PNPLA1: variants seen among roughly 807,000 people sequenced by gnomAD.
The protein encoded by PNPLA1 is patatin like domain 1, omega-hydroxyceramide transacylase, also known as omega-hydroxyceramide transacylase.
PNPLA1 carries 36 observed loss-of-function variants against 51.7 expected under a neutral mutation model. That is an observed-to-expected ratio of 0.70 (90% CI 0.53 to 0.92). The LOEUF (loss-of-function observed/expected upper bound fraction) is 0.92. Ranked by LOEUF, PNPLA1 falls within the 40% of genes least tolerant of loss-of-function variation. PNPLA1 has a pLI of 0.00. For missense variants in PNPLA1, 658 were observed against 682.5 expected, an observed-to-expected ratio of 0.96 and a Z score of 0.40; for synonymous variants, 293 against 280.1, an observed-to-expected ratio of 1.05 and a Z score of -0.46.
intron 1 of PNPLA1, among the ~76,000 whole-genome samples, chr6:36,283,519 G>C (rs1303860400): frequency 6.6e-6 from 1 of 152,142 alleles, no homozygotes; most frequent in African/African-American, 2.4e-5. Context: ...CTCCTCAGCT[G>C]GGCATGGTGG....
chr6:36,270,393 C>T lies in PNPLA1; in HGVS notation c.-67C>T. On this transcript the variant is annotated 5_prime_UTR_variant, in exon 1 of 9. Transcript: ENST00000636260. ...AGGGAGTTCCTACAGGGAGCGGCAG[C>T]CCAGGCTCGGGCAGGCAAGTGCTGA... 6.6e-7 allele frequency: 1 copy of T among 1,509,552 alleles called. No individual in the cohort carries two copies. The highest frequency in any genetic ancestry group is 2.5e-5 in the East Asian group (1 of 40,674). The allele number at this position is 1,509,552 out of a possible 1,614,324, so 93.5% of individuals were successfully genotyped here.
intron 3 of PNPLA1, among the ~76,000 whole-genome samples, chr6:36,293,599 G>T (rs111721128): frequency 6.6e-6 from 1 of 152,204 alleles, no homozygotes; most frequent in African/African-American, 2.4e-5. Context: ...CCAGCCTCAG[G>T]TGCTGCCCGT....
In PNPLA1 at chr6:36,296,182, C is replaced by T. The variant is rs148317468; in HGVS notation, c.775+758C>T. Among the ~76,000 whole-genome samples the T allele has an allele frequency of 2.4e-3, 368 of 152,230 alleles. 1 individual carries two copies. Among genetic ancestry groups the T allele is most frequent in the African/African-American group, 8.0e-3 (334 of 41,550 alleles). ...ACAATTAGCTGAGCATGGTGGCACA[C>T]GCTTATAGCCCCAGCTACTTGAGAT... On this transcript the variant is annotated intron_variant, in intron 5 of 8. Transcript: ENST00000636260.
rs369840888 is a variant in PNPLA1 at position 36,293,087 on chromosome 6, G to A, written c.465G>A (p.Pro155=). 28 of 1,614,026 alleles carry A rather than the reference G, an allele frequency of 1.7e-5. No homozygotes were observed. In the South Asian group the frequency reaches 1.9e-4, roughly 11 times the overall value. ...CCCTATACTGCAGCTGCTTCGTCCCGGTGTACTGTGGCCTCATCCCCCCGA... is the reference window on the plus strand; with the variant it reads ...CCCTATACTGCAGCTGCTTCGTCCCAGTGTACTGTGGCCTCATCCCCCCGA... ...IEALYCSCFV[P]VYCGLIPPTY... Residue 155 remains proline (P), a synonymous_variant, in exon 3 of 9, where the codon CCG becomes CCA. Transcript: ENST00000636260.
At chr6:36,300,159 TC>T (rs1275180427) in intron 5 of PNPLA1, among the ~76,000 whole-genome samples, 13 of 80,476 alleles carry the variant, frequency 1.6e-4, no homozygotes, top group African/African-American at 4.4e-4. Context: ...CTTTTCTTAT[TC>T]TTGTGTGTGT....
At chr6:36,281,557 G>T (rs994780009) in intron 1 of PNPLA1, among the ~76,000 whole-genome samples, 11 of 152,180 alleles carry the variant, frequency 7.2e-5, no homozygotes, top group Non-Finnish European at 1.3e-4. Flanking sequence ...GATTTAGAGA[G>T]ATTAGATAAT....
intron 1 of PNPLA1, among the ~76,000 whole-genome samples, chr6:36,253,170 A>C (rs1316279199): frequency 6.6e-6 from 1 of 152,158 alleles, no homozygotes; most frequent in African/African-American, 2.4e-5. Context: ...ACAGAGCGAG[A>C]CGCTGTCTTC....
intron 5 of PNPLA1, among the ~76,000 whole-genome samples, chr6:36,296,777 C>T (rs1017552369): frequency 2.0e-5 from 3 of 152,256 alleles, no homozygotes; most frequent in Middle Eastern, 3.4e-3. Flanking sequence ...GCCCCCATCC[C>T]ACCCACAAGC....
chr6:36,298,298 G>A (rs1302881592), intron 5 of PNPLA1, among the ~76,000 whole-genome samples: 1 of 152,130 alleles, frequency 6.6e-6, no homozygotes, highest in Non-Finnish European at 1.5e-5. Context: ...AAGCTGCTAT[G>A]AACACTCACG....
At chr6:36,299,614 G>A (rs1172815057) in intron 5 of PNPLA1, among the ~76,000 whole-genome samples, 5 of 152,196 alleles carry the variant, frequency 3.3e-5, no homozygotes, top group African/African-American at 7.2e-5. Context: ...GATTACAGGC[G>A]TGAGCCACTG....
Sources: gnomAD v4.1 joint callset for allele counts (sites outside exome capture counted in the v4.1 genomes callset) on GRCh38, gnomAD v4.1.1 for gene constraint, MANE v1.5 for transcripts, NCBI Gene and HGNC (gene_info 2026-07-23, HGNC 2026-07-21) for gene names.